Variants in ROR1 observed in about 807,000 individuals in gnomAD.
The protein encoded by ROR1 is inactive tyrosine-protein kinase transmembrane receptor ROR1.
Under a neutral mutation model 78.8 loss-of-function variants are expected in ROR1, and 19 were observed. That is an observed-to-expected ratio of 0.24 (90% confidence interval 0.17 to 0.35). The LOEUF (loss-of-function observed/expected upper bound fraction) is 0.35, where lower values mean the gene tolerates loss of function less well. Among genes scored for constraint, ROR1 ranks in the 10% least tolerant of loss-of-function variants. The probability of loss-of-function intolerance (pLI) is 1.00; values close to 1 mark genes in which losing one functional copy is unlikely to be tolerated. For missense variants in ROR1, 917 were observed against 1,177.8 expected (o/e 0.78, Z 3.24); for synonymous variants, 386 against 433.6 (o/e 0.89, Z 1.36).
At chr1:64,107,048 CAAG>C (rs1254978184) in intron 4 of ROR1, 1 of 152,386 alleles carries the variant, frequency 6.6e-6, no homozygotes, top group African/African-American at 2.4e-5. Flanking sequence ...ATCTGTAAAA[CAAG>C]GATGATAACA....
intron 1 of ROR1, among the ~76,000 whole-genome samples, chr1:63,939,674 T>C (rs76402413): frequency 0.013 from 2,030 of 152,274 alleles, 43 homozygotes; most frequent in African/African-American, 0.047. Context: ...ATTATACCTC[T>C]CTGAAACATG....
chr1:64,138,454 GAAC>G (rs1649194167), intron 5 of ROR1, among the ~76,000 whole-genome samples: 1 of 151,842 alleles, frequency 6.6e-6, no homozygotes, highest in East Asian at 1.9e-4. Flanking sequence ...CAGAAACATA[GAAC>G]AGCAAAAGGC....
intron 1 of ROR1, among the ~76,000 whole-genome samples, chr1:63,785,545 C>T (rs182022808): frequency 4.6e-4 from 69 of 150,504 alleles, no homozygotes; most frequent in African/African-American, 1.5e-3. Context: ...TTTTTTGAGA[C>T]GGAGTCTCAC....
intron 2 of ROR1, among the ~76,000 whole-genome samples, chr1:64,042,137 G>C (rs918983616): frequency 6.6e-6 from 1 of 152,148 alleles, no homozygotes; most frequent in Admixed American, 6.5e-5. Flanking sequence ...AAATGGTAGT[G>C]ATAGTTACTG....
chr1:64,021,502 C>T (rs983049183), intron 2 of ROR1, among the ~76,000 whole-genome samples: 5 of 152,190 alleles, frequency 3.3e-5, no homozygotes, highest in African/African-American at 1.2e-4. Context: ...ACTTCCTGAG[C>T]ACCATTTAAT....
At chr1:63,969,292 T>C (rs757480504) in intron 1 of ROR1, among the ~76,000 whole-genome samples, 11 of 152,198 alleles carry the variant, frequency 7.2e-5, no homozygotes, top group Non-Finnish European at 1.6e-4. Flanking sequence ...ACTCTTGTTT[T>C]CTTTGTCTTT....
At chr1:64,043,168 C>T (rs550705234) in intron 2 of ROR1, among the ~76,000 whole-genome samples, 11 of 152,322 alleles carry the variant, frequency 7.2e-5, no homozygotes, top group African/African-American at 2.4e-4. Flanking sequence ...CACCTTCCTC[C>T]CTGAGGAGAG....
intron 8 of ROR1, among the ~76,000 whole-genome samples, chr1:64,165,155 C>G (rs561481116): frequency 1.3e-4 from 19 of 151,904 alleles, no homozygotes; most frequent in Non-Finnish European, 2.2e-4. Flanking sequence ...CTATTTCTGT[C>G]TTTAGATATT....
chr1:63,774,816 G>A lies in ROR1; in HGVS notation c.91+308G>A, dbSNP rs937971519. On this transcript the variant is annotated intron_variant, in intron 1 of 8. Coordinates refer to ENST00000371079, the MANE Select transcript of ROR1 (RefSeq NM_005012.4). The surrounding 1 kb of genome is among the most constrained non-coding windows in gnomAD (Gnocchi z 5.7). ...GTTTGAGGGTCCTGGGGGTGATCGG[G>A]GCACTTCTGTGCAGGGCGTCCCCCC... 1.1e-4 allele frequency among the ~76,000 whole-genome samples: 17 copies of A among 151,996 alleles called. No homozygotes were observed. The highest frequency in any genetic ancestry group is 2.1e-4 in the South Asian group (1 of 4,826).
At chr1:63,971,200 CA>C (rs1213140570) in intron 1 of ROR1, among the ~76,000 whole-genome samples, 2 of 152,176 alleles carry the variant, frequency 1.3e-5, no homozygotes, top group African/African-American at 4.8e-5. Flanking sequence ...GAGCAAACCA[CA>C]ACCCTTTCAC....
In ROR1 at chr1:64,128,948, A is replaced by G. The variant is rs75663061; in HGVS notation, c.483-8421A>G. 1.7e-3 allele frequency among the ~76,000 whole-genome samples: 256 copies of G among 152,280 alleles called. 4 individuals are homozygous for G. The East Asian group carries it at 0.038, about 22-fold the overall frequency. ...ATTGAAACAGAGGAGGAACAGGACA[A>G]ATCTGTGCATTACAAATTAATCATT... is the stretch of plus-strand genomic sequence containing the variant. On this transcript the variant is annotated intron_variant, in intron 4 of 8. Transcript: ENST00000371079.
chr1:63,860,236 A>G (rs1401879148), intron 1 of ROR1, among the ~76,000 whole-genome samples: 2 of 152,178 alleles, frequency 1.3e-5, no homozygotes, highest in Non-Finnish European at 2.9e-5. Flanking sequence ...TAGCTGTTCA[A>G]TAAAACTTTA....
intron 1 of ROR1, among the ~76,000 whole-genome samples, chr1:63,888,341 A>C (rs1188309032): frequency 1.3e-5 from 2 of 152,142 alleles, no homozygotes; most frequent in Admixed American, 1.3e-4. Context: ...CCAGCTGGGC[A>C]CGGTGGTTCA....
chr1:64,170,638 T>C (rs1042302177), intron 8 of ROR1, among the ~76,000 whole-genome samples: 2 of 152,204 alleles, frequency 1.3e-5, no homozygotes, highest in Admixed American at 6.5e-5. Flanking sequence ...CCTCAAAAAA[T>C]GGGATTTTAT....
chr1:63,826,467 C>A (rs1401609753), intron 1 of ROR1, among the ~76,000 whole-genome samples: 1 of 152,082 alleles, frequency 6.6e-6, no homozygotes, highest in Non-Finnish European at 1.5e-5. Context: ...TGTATACATA[C>A]CACATTTTCT....
intron 4 of ROR1, among the ~76,000 whole-genome samples, chr1:64,082,277 G>C (rs2100633012): frequency 6.6e-6 from 1 of 152,292 alleles, no homozygotes; most frequent in South Asian, 2.1e-4. Flanking sequence ...TACCATGGTG[G>C]CGTTGGGACA....
intron 1 of ROR1, among the ~76,000 whole-genome samples, chr1:63,866,172 C>T (rs1395312679): frequency 6.6e-6 from 1 of 152,004 alleles, no homozygotes; most frequent in African/African-American, 2.4e-5. Flanking sequence ...CCCAGAGAAG[C>T]CAAAATGTTA....
intron 1 of ROR1, among the ~76,000 whole-genome samples, chr1:63,919,746 C>G (rs1230380815): frequency 6.6e-6 from 1 of 152,104 alleles, no homozygotes; most frequent in Non-Finnish European, 1.5e-5. Flanking sequence ...ATCATGCTGT[C>G]ATGATTAATG....
At chr1:63,858,242 C>A (rs1645160500) in intron 1 of ROR1, among the ~76,000 whole-genome samples, 1 of 152,146 alleles carries the variant, frequency 6.6e-6, no homozygotes, top group African/African-American at 2.4e-5. Context: ...ACTTAAAGTA[C>A]AATCTTTGCT....
Sources: allele counts gnomAD v4.1 joint callset (sites outside exome capture counted in the v4.1 genomes callset), GRCh38; gene constraint gnomAD v4.1.1; non-coding constraint Gnocchi (gnomAD v3.1); transcripts MANE v1.5; gene names NCBI Gene and HGNC (gene_info 2026-07-23, HGNC 2026-07-21).